The following PXDNL variants were observed in gnomAD, a reference collection of about 807,000 sequenced individuals.
The protein encoded by PXDNL is peroxidasin like.
A neutral mutation model predicts 150.8 loss-of-function variants in PXDNL; 145 were observed. The ratio of observed to expected loss-of-function variants is 0.96; its 90% CI spans 0.84 to 1.10. The LOEUF is 1.10. Among genes scored for constraint, PXDNL ranks in the 50% least tolerant of loss-of-function variants. PXDNL has a pLI of 0.00. For missense variants in PXDNL, 2,087 were observed against 1,873.9 expected, an observed-to-expected ratio of 1.11 and a Z score of -2.10; for synonymous variants, 757 against 725.7, an observed-to-expected ratio of 1.04 and a Z score of -0.69.
intron 1 of PXDNL, among the ~76,000 whole-genome samples, chr8:51,681,577 C>T (rs1038516615): frequency 6.6e-6 from 1 of 152,230 alleles, no homozygotes; most frequent in Non-Finnish European, 1.5e-5. Flanking sequence ...TCACCCAGGG[C>T]CTGGCATGTG....
intron 3 of PXDNL, among the ~76,000 whole-genome samples, chr8:51,561,341 G>A (rs1812715342): frequency 6.6e-6 from 1 of 151,892 alleles, no homozygotes; most frequent in African/African-American, 2.4e-5. Context: ...CCAAGAGGTG[G>A]ATTCAACCCA....
intron 5 of PXDNL, among the ~76,000 whole-genome samples, chr8:51,489,847 C>G (rs1339724473): frequency 6.6e-6 from 1 of 152,124 alleles, no homozygotes; most frequent in African/African-American, 2.4e-5. Flanking sequence ...TAAGCCTTTT[C>G]ATAGCAAGTT....
chr8:51,730,340 A>C lies in PXDNL; in HGVS notation c.165-75580T>G, dbSNP rs376150972. ...TTTCTGAATTTTTTTCCTTCATTAC[A>C]CATTTTAGATTTCAAAACCAATTTT... On this transcript the variant is annotated intron_variant, in intron 1 of 22. Transcript: ENST00000356297. 7.9e-5 allele frequency among the ~76,000 whole-genome samples: 12 copies of C among 152,306 alleles called. No individual in the cohort carries two copies. In the East Asian group the frequency reaches 1.3e-3, roughly 17 times the overall value.
chr8:51,600,859 TAG>T (rs1183864184), intron 2 of PXDNL, among the ~76,000 whole-genome samples: 3 of 138,650 alleles, frequency 2.2e-5, no homozygotes, highest in African/African-American at 8.1e-5. Context: ...ATAAATTATA[TAG>T]TTTAGATAAT....
intron 12 of PXDNL, among the ~76,000 whole-genome samples, chr8:51,434,720 ATAT>A (rs1467492433): frequency 1.3e-5 from 2 of 152,212 alleles, no homozygotes; most frequent in Non-Finnish European, 2.9e-5. Context: ...AATGGCATTG[ATAT>A]TATTACCCCC....
chr8:51,707,696 CT>C (rs1163788781), intron 1 of PXDNL, among the ~76,000 whole-genome samples: 2 of 152,338 alleles, frequency 1.3e-5, no homozygotes, highest in Admixed American at 6.5e-5. Flanking sequence ...CCCACAACCC[CT>C]GGCAACCACC....
chr8:51,498,406 A>G (rs899489335), intron 5 of PXDNL, among the ~76,000 whole-genome samples: 37 of 151,872 alleles, frequency 2.4e-4, no homozygotes, highest in South Asian at 6.2e-4. Flanking sequence ...TGTTGTACAC[A>G]TGTACCCTAA....
Position 51,652,994 on chromosome 8 carries a change from T to C in PXDNL, c.236+1695A>G, listed in dbSNP as rs1293756591. ...TTGAATTTTTTAAATGGCAACTATC[T>C]CTAATGAAAATATTTTATAACATTT... On this transcript the variant is annotated intron_variant, in intron 2 of 22. Transcript: ENST00000356297. Among the ~76,000 whole-genome samples, 31 of 152,090 alleles carry C rather than the reference T, an allele frequency of 2.0e-4. 1 individual carries two copies. Among genetic ancestry groups the C allele is most frequent in the Admixed American group, 1.9e-3 (29 of 15,276 alleles).
chr8:51,510,629 C>A (rs1811393104), intron 4 of PXDNL, among the ~76,000 whole-genome samples: 1 of 152,152 alleles, frequency 6.6e-6, no homozygotes, highest in African/African-American at 2.4e-5. Flanking sequence ...AAAACCGTCC[C>A]ATGAGGGCAG....
At chr8:51,369,176 CTGTT>C (rs1318233962) in intron 19 of PXDNL, among the ~76,000 whole-genome samples, 1 of 152,122 alleles carries the variant, frequency 6.6e-6, no homozygotes, top group African/African-American at 2.4e-5. Flanking sequence ...TACACCTTCT[CTGTT>C]TGGGAAATTC....
intron 19 of PXDNL, among the ~76,000 whole-genome samples, chr8:51,349,773 T>C (rs758291490): frequency 1.3e-5 from 2 of 152,206 alleles, no homozygotes; most frequent in Non-Finnish European, 1.5e-5. Flanking sequence ...TTTCCACGAA[T>C]TGATCAAAAC....
chr8:51,744,894 GAAA>G (rs2036960842), intron 1 of PXDNL, among the ~76,000 whole-genome samples: 1 of 141,876 alleles, frequency 7.0e-6, no homozygotes, highest in Non-Finnish European at 1.5e-5. Context: ...GAGAAGGAAG[GAAA>G]GAAGGAAGGA....
In PXDNL at chr8:51,345,945, A is replaced by C. The variant is rs570733328; in HGVS notation, c.3904T>G (p.Cys1302Gly). 3 of 1,601,610 alleles carry C rather than the reference A, an allele frequency of 1.9e-6. No individual in the cohort carries two copies. In the South Asian group the frequency reaches 3.3e-5, roughly 18 times the overall value. ...GCTCTGAACTGTCCTCTACTCCTAC[A>C]GTCTGTGGGGAAAGAAGTAACCACA... Reference protein sequence around the residue: ...LRVWQDCCADCRSRGQFRAVT... With the variant: ...LRVWQDCCADGRSRGQFRAVT... Residue 1302 changes from cysteine to glycine, a missense_variant and splice_region_variant, in exon 20 of 23, where the codon TGT becomes GGT. Physicochemically the swap from Cys to Gly is radical, Grantham distance 159. Transcript: ENST00000356297.
At chr8:51,363,730 A>G (rs1347520628) in intron 19 of PXDNL, among the ~76,000 whole-genome samples, 1 of 151,928 alleles carries the variant, frequency 6.6e-6, no homozygotes, top group African/African-American at 2.4e-5. Context: ...GGAGGCAGAA[A>G]TTGGGCATAA....
At chr8:51,453,487 A>G (rs757351639) in intron 10 of PXDNL, 32 bp downstream of exon 10, 10 of 1,602,404 alleles carry the variant, frequency 6.2e-6, no homozygotes, top group Non-Finnish European at 8.5e-6. Context: ...TGGCAGGAGG[A>G]ACATTTCAAT....
chr8:51,777,767 G>T (rs754398966), intron 1 of PXDNL, among the ~76,000 whole-genome samples: 6 of 152,154 alleles, frequency 3.9e-5, no homozygotes, highest in Non-Finnish European at 8.8e-5. Context: ...GCCAGGCGTG[G>T]TAGTGGGCGC....
At chr8:51,768,678 G>A (rs1361821893) in intron 1 of PXDNL, among the ~76,000 whole-genome samples, 1 of 152,188 alleles carries the variant, frequency 6.6e-6, no homozygotes, top group Non-Finnish European at 1.5e-5. Flanking sequence ...TCTAAGCTGG[G>A]TTGAATCATT....
intron 6 of PXDNL, among the ~76,000 whole-genome samples, chr8:51,475,531 A>T (rs1441391727): frequency 3.9e-5 from 6 of 152,208 alleles, no homozygotes; most frequent in African/African-American, 1.4e-4. Flanking sequence ...TGGGAGGCCT[A>T]GGCAAAAGGA....
chr8:51,376,656 G>C (rs889222271), intron 17 of PXDNL, among the ~76,000 whole-genome samples: 6 of 151,568 alleles, frequency 4.0e-5, no homozygotes, highest in Admixed American at 6.6e-5. Flanking sequence ...CAGTCTTTTT[G>C]ATGTCTGTTC....
Sources: gnomAD v4.1 joint callset for allele counts (sites outside exome capture counted in the v4.1 genomes callset) on GRCh38, gnomAD v4.1.1 for gene constraint, MANE v1.5 for transcripts, NCBI Gene and HGNC (gene_info 2026-07-23, HGNC 2026-07-21) for gene names.